PDZRN4: variants seen among roughly 807,000 people sequenced by gnomAD.
PDZRN4 encodes the protein PDZ domain containing ring finger 4.
A neutral mutation model predicts 99.0 loss-of-function variants in PDZRN4; 70 were observed. That is an observed-to-expected ratio of 0.71 (90% CI 0.58 to 0.86). The LOEUF (loss-of-function observed/expected upper bound fraction) is 0.86. PDZRN4 is among the 40% of genes least tolerant of loss of function. PDZRN4 has a pLI of 0.00. For missense variants in PDZRN4, 1,474 were observed against 1,331.2 expected, an observed-to-expected ratio of 1.11 and a Z score of -1.67; for synonymous variants, 551 against 501.6, an observed-to-expected ratio of 1.10 and a Z score of -1.32.
chr12:41,322,487 C>CTTTTTTTTTTTTTTTTTTTTTT (rs71081724), intron 3 of PDZRN4, among the ~76,000 whole-genome samples: 1 of 91,210 alleles, frequency 1.1e-5, no homozygotes. Flanking sequence ...ATTTTCTTTC[C>CTTTTTTTTTTTTTTTTTTTTTT]TTTTTTTTTT....
chr12:41,516,574 T>C (rs118098435), intron 5 of PDZRN4, among the ~76,000 whole-genome samples: 1,601 of 152,036 alleles, frequency 0.011, 19 homozygotes, highest in Non-Finnish European at 0.016. Context: ...AGGAAGAAAA[T>C]TGGGATTTTT....
rs1337768765 is a variant in PDZRN4 at position 41,189,106 on chromosome 12, A to G, written c.648+3A>G. 8 of 1,578,162 alleles carry G rather than the reference A, an allele frequency of 5.1e-6. No homozygotes were observed. The highest frequency in any genetic ancestry group is 5.1e-6 in the Non-Finnish European group (6 of 1,170,186). On this transcript the variant is annotated splice_donor_region_variant and intron_variant, in intron 1 of 9. Coordinates refer to ENST00000402685, the MANE Select transcript of PDZRN4 (RefSeq NM_001164595.2). ...ACCTCGGTGGCGGCCACCGCAGGGTAAGCAAAGGGGGGTGGGCACCGCGGG... is the reference window on the plus strand; with the variant it reads ...ACCTCGGTGGCGGCCACCGCAGGGTGAGCAAAGGGGGGTGGGCACCGCGGG...
At chr12:41,220,245 T>G (rs977374571) in intron 3 of PDZRN4, among the ~76,000 whole-genome samples, 1 of 152,100 alleles carries the variant, frequency 6.6e-6, no homozygotes, top group Non-Finnish European at 1.5e-5. Context: ...TAGTTTCCCG[T>G]GAGTCCTTTT....
At chr12:41,511,494 T>C (rs1938303691) in intron 5 of PDZRN4, among the ~76,000 whole-genome samples, 1 of 152,064 alleles carries the variant, frequency 6.6e-6, no homozygotes, top group African/African-American at 2.4e-5. Context: ...TCAGCTGTGA[T>C]TCCGTTGCCA....
At chr12:41,236,900 T>A (rs942422499) in intron 3 of PDZRN4, among the ~76,000 whole-genome samples, 2 of 152,220 alleles carry the variant, frequency 1.3e-5, no homozygotes, top group Middle Eastern at 3.4e-3. Context: ...TCTATTTTAT[T>A]TTATGTGTGG....
At position 41,567,776 on chromosome 12, in the gene PDZRN4, T is replaced by TCC; in HGVS notation, c.1468-7_1468-6insCC. The stretch of plus-strand genomic sequence containing the variant: ...ATAATATAATGTACTAATGTATTCT[T>TCC]TTGCAGCTGGATGAAGGCTGGCTGG... On this transcript the variant is annotated splice_region_variant and splice_polypyrimidine_tract_variant and intron_variant, in intron 8 of 9. Transcript: ENST00000402685. The TCC allele has an allele frequency of 6.3e-7, 1 of 1,583,526 alleles. No homozygotes were observed. The highest frequency in any genetic ancestry group is 8.7e-7 in the Non-Finnish European group (1 of 1,154,042).
At chr12:41,470,646 TC>T (rs1952979099) in intron 3 of PDZRN4, among the ~76,000 whole-genome samples, 2 of 152,126 alleles carry the variant, frequency 1.3e-5, no homozygotes, top group South Asian at 4.1e-4. Context: ...TGCTATCTCT[TC>T]CCCCTCCCGC....
chr12:41,534,776 A>G (rs1388916789), intron 5 of PDZRN4, among the ~76,000 whole-genome samples: 2 of 152,192 alleles, frequency 1.3e-5, no homozygotes, highest in Non-Finnish European at 2.9e-5. Context: ...ATATCTTTCC[A>G]CCATGTATTT....
intron 3 of PDZRN4, among the ~76,000 whole-genome samples, chr12:41,276,839 C>T (rs1467726652): frequency 1.3e-5 from 2 of 152,002 alleles, no homozygotes; most frequent in Non-Finnish European, 2.9e-5. Context: ...TGGTCAGTAC[C>T]CTATATTTGT....
chr12:41,516,245 T>C (rs1409180934), intron 5 of PDZRN4, among the ~76,000 whole-genome samples: 1 of 152,086 alleles, frequency 6.6e-6, no homozygotes, highest in African/African-American at 2.4e-5. Context: ...ACTTGTCTAT[T>C]CTTCTAAATG....
chr12:41,299,398 C>A (rs557312207), intron 3 of PDZRN4, among the ~76,000 whole-genome samples: 1 of 152,058 alleles, frequency 6.6e-6, no homozygotes, highest in African/African-American at 2.4e-5. Context: ...TTTCTTGAAT[C>A]TCAGAATGCT....
chr12:41,403,895 A>G (rs1952322507), intron 3 of PDZRN4, among the ~76,000 whole-genome samples: 1 of 152,226 alleles, frequency 6.6e-6, no homozygotes, highest in Non-Finnish European at 1.5e-5. Context: ...AAGTAGAAAG[A>G]TAATTTGCAG....
intron 3 of PDZRN4, among the ~76,000 whole-genome samples, chr12:41,272,059 A>AT (rs35359476): frequency 2.1e-4 from 32 of 150,418 alleles, no homozygotes; most frequent in South Asian, 8.3e-4. Flanking sequence ...CAAATAGAGT[A>AT]TTTTTTTTTT....
intron 3 of PDZRN4, among the ~76,000 whole-genome samples, chr12:41,362,205 C>T (rs1338874657): frequency 2.0e-5 from 3 of 151,874 alleles, no homozygotes; most frequent in African/African-American, 7.3e-5. Context: ...TTAGTACTGC[C>T]ACAATCATCA....
chr12:41,565,923 C>T (rs1175420775), intron 8 of PDZRN4, among the ~76,000 whole-genome samples: 2 of 152,174 alleles, frequency 1.3e-5, no homozygotes, highest in Non-Finnish European at 2.9e-5. Flanking sequence ...GTAACAATCC[C>T]TCTTTTCCTG....
chr12:41,401,034 T>A (rs1350949694), intron 3 of PDZRN4, among the ~76,000 whole-genome samples: 1 of 152,160 alleles, frequency 6.6e-6, no homozygotes, highest in Non-Finnish European at 1.5e-5. Context: ...TCTTTCTCAT[T>A]ACTTAAATGT....
At chr12:41,462,709 G>A (rs1427746417) in intron 3 of PDZRN4, among the ~76,000 whole-genome samples, 1 of 151,976 alleles carries the variant, frequency 6.6e-6, no homozygotes, top group African/African-American at 2.4e-5. Flanking sequence ...TTAGATGAGG[G>A]GGAGACTCCT....
chr12:41,458,559 A>G (rs1379760), intron 3 of PDZRN4, among the ~76,000 whole-genome samples: 78,626 of 151,968 alleles, frequency 0.52, 20,889 homozygotes, highest in African/African-American at 0.65. Flanking sequence ...GTTACTATTA[A>G]CTAAGTAGGG....
chr12:41,267,361 G>A (rs577332412), intron 3 of PDZRN4, among the ~76,000 whole-genome samples: 2 of 152,098 alleles, frequency 1.3e-5, no homozygotes, highest in African/African-American at 2.4e-5. Flanking sequence ...ACTGGAGCTG[G>A]CATGTTACTT....
Sources: allele counts gnomAD v4.1 joint callset (sites outside exome capture counted in the v4.1 genomes callset), GRCh38; gene constraint gnomAD v4.1.1; transcripts MANE v1.5; gene names NCBI Gene and HGNC (gene_info 2026-07-23, HGNC 2026-07-21).